TMEM178A: variants seen among roughly 807,000 people sequenced by gnomAD.
TMEM178A encodes transmembrane protein 178.
A neutral mutation model predicts 29.1 loss-of-function variants in TMEM178A; 12 were observed. The ratio of observed to expected loss-of-function variants is 0.41; its 90% CI spans 0.26 to 0.67. TMEM178A has a LOEUF of 0.67. TMEM178A is among the 30% of genes least tolerant of loss of function. The probability of loss-of-function intolerance (pLI) is 0.29; values close to 1 mark genes in which losing one functional copy is unlikely to be tolerated. For missense variants in TMEM178A, 366 were observed against 419.1 expected (o/e 0.87, Z 1.11); for synonymous variants, 210 against 187.2 (o/e 1.12, Z -0.99).
chr2:39,721,545 G>T (rs1445355832), downstream of TMEM178A, among the ~76,000 whole-genome samples: 4 of 152,176 alleles, frequency 2.6e-5, no homozygotes, highest in African/African-American at 4.8e-5. Context: ...AGGACCATGG[G>T]TCTAGAGCAG....
chr2:39,686,357 C>A (rs1267023711), intron 1 of TMEM178A, among the ~76,000 whole-genome samples: 2 of 152,056 alleles, frequency 1.3e-5, no homozygotes, highest in East Asian at 1.9e-4. Context: ...AGGGGATAAT[C>A]CATAAAGGAT....
At chr2:39,679,625 C>G (rs1298650495) in intron 1 of TMEM178A, among the ~76,000 whole-genome samples, 1 of 152,104 alleles carries the variant, frequency 6.6e-6, no homozygotes, top group Non-Finnish European at 1.5e-5. Flanking sequence ...AGAAACTCTT[C>G]CTTTGTCTCT....
intron 1 of TMEM178A, among the ~76,000 whole-genome samples, chr2:39,676,568 CCGGG>C (rs1184475482): frequency 1.1e-4 from 17 of 152,196 alleles, no homozygotes; most frequent in Admixed American, 2.6e-4. Context: ...TAAAGCAATC[CCGGG>C]CAAGTGGAAT....
chr2:39,679,789 A>G (rs1670791075), intron 1 of TMEM178A, among the ~76,000 whole-genome samples: 1 of 152,148 alleles, frequency 6.6e-6, no homozygotes, highest in Admixed American at 6.5e-5. Context: ...CCAGTTACAT[A>G]CTTTCCTTGA....
intron 1 of TMEM178A, among the ~76,000 whole-genome samples, chr2:39,672,701 A>T (rs140908646): frequency 6.7e-6 from 1 of 148,590 alleles, no homozygotes; most frequent in Non-Finnish European, 1.5e-5. Flanking sequence ...TGGCTGATTT[A>T]AAAAAAAAAC....
At chr2:39,675,120 TG>T (rs1191115134) in intron 1 of TMEM178A, among the ~76,000 whole-genome samples, 4 of 152,182 alleles carry the variant, frequency 2.6e-5, no homozygotes, top group Admixed American at 2.0e-4. Context: ...TAATCTCAAA[TG>T]GGTTTTAATT....
At chr2:39,704,835 C>A (rs1671953885) in intron 2 of TMEM178A, among the ~76,000 whole-genome samples, 1 of 152,200 alleles carries the variant, frequency 6.6e-6, no homozygotes, top group Non-Finnish European at 1.5e-5. Context: ...TTGGTCTTTG[C>A]CCCCATCAGA....
At chr2:39,728,709 G>C in the TMEM178A span, among the ~76,000 whole-genome samples, 1 of 150,998 alleles carries the variant, frequency 6.6e-6, no homozygotes, top group South Asian at 2.1e-4. Flanking sequence ...CTCACTTCAA[G>C]TCAAGAAATG....
chr2:39,716,423 T>G (rs543441544), intron 3 of TMEM178A, among the ~76,000 whole-genome samples: 6 of 152,234 alleles, frequency 3.9e-5, no homozygotes, highest in Non-Finnish European at 7.3e-5. Context: ...ATGGATGATC[T>G]CCTTGCTCAG....
chr2:39,700,687 T>G (rs1055802343), intron 1 of TMEM178A, among the ~76,000 whole-genome samples: 2 of 151,950 alleles, frequency 1.3e-5, no homozygotes, highest in Non-Finnish European at 2.9e-5. Context: ...GGGTAGGATT[T>G]ATAGATGCCA....
At position 39,687,764 on chromosome 2, in the gene TMEM178A, A is replaced by T. The variant is rs540384091; in HGVS notation, c.401-16317A>T. On this transcript the variant is annotated intron_variant, in intron 1 of 3. Coordinates refer to ENST00000281961, the MANE Select transcript of TMEM178A (RefSeq NM_152390.3). ...TGTACAGATTGATATGATAAAGGCA[A>T]TGCCATGTGTCAACACAGGCCTGCC... Among the ~76,000 whole-genome samples, 22 of 152,366 alleles carry T rather than the reference A, an allele frequency of 1.4e-4. 1 individual carries two copies. Among genetic ancestry groups the T allele is most frequent in the African/African-American group, 5.0e-4 (21 of 41,586 alleles).
At chr2:39,723,872 C>T in the TMEM178A span, among the ~76,000 whole-genome samples, 1 of 152,188 alleles carries the variant, frequency 6.6e-6, no homozygotes, top group Non-Finnish European at 1.5e-5. Context: ...CTATCTGAGC[C>T]TACTGTCAAC....
At chr2:39,693,719 T>C (rs993537835) in intron 1 of TMEM178A, among the ~76,000 whole-genome samples, 1 of 152,202 alleles carries the variant, frequency 6.6e-6, no homozygotes, top group African/African-American at 2.4e-5. Flanking sequence ...TTGTAAATAC[T>C]GTACCTGCCA....
chr2:39,706,213 G>T (rs1171646416), intron 2 of TMEM178A, among the ~76,000 whole-genome samples: 1 of 152,174 alleles, frequency 6.6e-6, no homozygotes, highest in Non-Finnish European at 1.5e-5. Flanking sequence ...AGTGATCACA[G>T]TTGTGTTTTT....
At chr2:39,668,440 A>G (rs1670269435) in intron 1 of TMEM178A, among the ~76,000 whole-genome samples, 1 of 152,222 alleles carries the variant, frequency 6.6e-6, no homozygotes, top group Non-Finnish European at 1.5e-5. Flanking sequence ...TGAACAGAAG[A>G]TATGGGCCCC....
intron 3 of TMEM178A, among the ~76,000 whole-genome samples, chr2:39,711,900 AAAC>A (rs1446142726): frequency 5.3e-4 from 80 of 152,300 alleles, no homozygotes; most frequent in Non-Finnish European, 2.5e-4. Flanking sequence ...TCCTGTAGCT[AAAC>A]ATACGAATAT....
chr2:39,705,715 T>G (rs1193004973), intron 2 of TMEM178A, among the ~76,000 whole-genome samples: 1 of 152,200 alleles, frequency 6.6e-6, no homozygotes, highest in Non-Finnish European at 1.5e-5. Context: ...CCATCCTCCA[T>G]GAAGCCGCCC....
the TMEM178A span, among the ~76,000 whole-genome samples, chr2:39,723,329 A>C: frequency 1.3e-5 from 2 of 152,200 alleles, no homozygotes; most frequent in Non-Finnish European, 1.5e-5. Context: ...TAAAGACCTG[A>C]ATAAATTGTT....
chr2:39,691,302 G>T (rs13420339), intron 1 of TMEM178A, among the ~76,000 whole-genome samples: 2,512 of 152,246 alleles, frequency 0.016, 81 homozygotes, highest in African/African-American at 0.058. Context: ...AAGACAAAGA[G>T]AATTTTGAAA....
Sources: allele counts gnomAD v4.1 joint callset (sites outside exome capture counted in the v4.1 genomes callset), GRCh38; gene constraint gnomAD v4.1.1; transcripts MANE v1.5; gene names NCBI Gene and HGNC (gene_info 2026-07-23, HGNC 2026-07-21).